The following OSBPL1A variants were observed in gnomAD, a reference collection of about 807,000 sequenced individuals.
OSBPL1A encodes oxysterol-binding protein-related protein 1.
OSBPL1A carries 80 observed loss-of-function variants against 137.1 expected under a neutral mutation model. The observed-to-expected ratio is 0.58, with a 90% confidence interval of 0.49 to 0.70. The LOEUF is 0.70. Ranked by LOEUF, OSBPL1A falls within the 30% of genes least tolerant of loss-of-function variation. The pLI is 0.00. For synonymous variants in OSBPL1A, 365 were observed against 389.7 expected, an observed-to-expected ratio of 0.94 and a Z score of 0.75; for missense variants, 970 against 1,129.4, an observed-to-expected ratio of 0.86 and a Z score of 2.02.
At chr18:24,303,809 A>T in intron 13 of OSBPL1A, 91 bp from the exon 14 acceptor site, 1 of 991,738 alleles carries the variant, frequency 1.0e-6, no homozygotes, top group African/African-American at 1.6e-5. Context: ...CTTTCAGTAC[A>T]TAGATTGATA....
rs112773789 is a variant in OSBPL1A at position 24,308,133 on chromosome 18, T to C, written c.1092+3851A>G. ...TGCTCATTACTTTTTTTTTTTTTTT[T>C]GAGACAGGGTCTCACTCTGTCGCCC... On this transcript the variant is annotated intron_variant, in intron 13 of 27. Transcript: ENST00000319481. 2.9e-5 allele frequency among the ~76,000 whole-genome samples: 4 copies of C among 135,678 alleles called. No individual in the cohort carries two copies. In the South Asian group the frequency reaches 9.5e-4, roughly 32 times the overall value. 89.0% of individuals were successfully genotyped at this position (135,678 alleles called of 152,430 possible). A position where few individuals can be genotyped will look rare whatever the true frequency, so the allele number is the denominator to read the frequency against.
chr18:24,204,631 A>G (rs2087318957), intron 17 of OSBPL1A, among the ~76,000 whole-genome samples: 1 of 150,860 alleles, frequency 6.6e-6, no homozygotes, highest in Middle Eastern at 3.4e-3. Flanking sequence ...TCTCAAGTCC[A>G]TAACTCTACA....
intron 5 of OSBPL1A, among the ~76,000 whole-genome samples, chr18:24,338,146 C>A (rs1211553183): frequency 6.6e-6 from 1 of 150,930 alleles, no homozygotes; most frequent in African/African-American, 2.4e-5. Flanking sequence ...AATCTCGGCT[C>A]ACTGCAACCT....
At chr18:24,296,401 T>TGGATGAGTCTTTA (rs2090293594) in intron 14 of OSBPL1A, among the ~76,000 whole-genome samples, 1 of 152,182 alleles carries the variant, frequency 6.6e-6, no homozygotes, top group Non-Finnish European at 1.5e-5. Context: ...AGGAGTCTTT[T>TGGATGAGTCTTTA]GGATGAGTCT....
intron 1 of OSBPL1A, among the ~76,000 whole-genome samples, chr18:24,381,210 G>T (rs532287695): frequency 6.6e-6 from 1 of 152,276 alleles, no homozygotes; most frequent in South Asian, 2.1e-4. Flanking sequence ...AAGGAGTAGG[G>T]TCAGGGTCAG....
chr18:24,172,508 A>C (rs2086313951), intron 21 of OSBPL1A, 25 bp from the exon 22 acceptor site: 3 of 1,505,922 alleles, frequency 2.0e-6, no homozygotes, highest in Non-Finnish European at 2.8e-6. Context: ...CAAACCCAGA[A>C]GCATAAGTGA....
intron 15 of OSBPL1A, among the ~76,000 whole-genome samples, chr18:24,274,939 G>C (rs530542864): frequency 6.6e-6 from 1 of 151,954 alleles, no homozygotes; most frequent in African/African-American, 2.4e-5. Flanking sequence ...AGGTGACTGA[G>C]GGGGAGCTGC....
chr18:24,225,909 A>G (rs1022824641), intron 16 of OSBPL1A, among the ~76,000 whole-genome samples: 1 of 152,096 alleles, frequency 6.6e-6, no homozygotes, highest in Non-Finnish European at 1.5e-5. Context: ...GAGTTGAGAG[A>G]CTGCAGTGAG....
intron 15 of OSBPL1A, among the ~76,000 whole-genome samples, chr18:24,241,324 G>A (rs1032092034): frequency 1.6e-4 from 25 of 152,106 alleles, no homozygotes; most frequent in African/African-American, 6.0e-4. Context: ...GAAACTTACC[G>A]TCAGAGTGAA....
intron 17 of OSBPL1A, among the ~76,000 whole-genome samples, chr18:24,221,967 T>A (rs1239060562): frequency 6.6e-6 from 1 of 152,202 alleles, no homozygotes; most frequent in East Asian, 1.9e-4. Context: ...CTTACTCTAA[T>A]AACTTCTACA....
At chr18:24,231,379 G>A (rs915141099) in intron 16 of OSBPL1A, among the ~76,000 whole-genome samples, 3 of 152,066 alleles carry the variant, frequency 2.0e-5, no homozygotes, top group East Asian at 1.9e-4. Flanking sequence ...TGCAACCTCC[G>A]CCTCCTGGAT....
At chr18:24,350,208 T>A (rs557795337) in intron 4 of OSBPL1A, among the ~76,000 whole-genome samples, 1 of 152,316 alleles carries the variant, frequency 6.6e-6, no homozygotes, top group Admixed American at 6.5e-5. Context: ...GGGAATCTTC[T>A]AGAAGGGGCA....
intron 15 of OSBPL1A, among the ~76,000 whole-genome samples, chr18:24,273,279 T>C (rs539698796): frequency 1.3e-5 from 2 of 152,216 alleles, no homozygotes; most frequent in Non-Finnish European, 2.9e-5. Flanking sequence ...TTACTGTACT[T>C]GGAAAAATCA....
chr18:24,382,566 C>A (rs1236528621), intron 1 of OSBPL1A, among the ~76,000 whole-genome samples: 1 of 151,774 alleles, frequency 6.6e-6, no homozygotes, highest in Non-Finnish European at 1.5e-5. Flanking sequence ...AACAGAGACT[C>A]CGTCTCAAAA....
chr18:24,187,104 A>G (rs752310075), intron 18 of OSBPL1A, among the ~76,000 whole-genome samples: 9 of 152,128 alleles, frequency 5.9e-5, no homozygotes, highest in Non-Finnish European at 8.8e-5. Flanking sequence ...CATTCAGATT[A>G]GTCCACTCCT....
rs183521055 is a variant in OSBPL1A, at chr18:24,313,717, A to G, written c.969+532T>C. Among the ~76,000 whole-genome samples, 319 of 152,358 alleles carry G rather than the reference A, an allele frequency of 2.1e-3. 1 individual carries two copies. Among genetic ancestry groups the G allele is most frequent in the Non-Finnish European group, 3.2e-3 (216 of 68,030 alleles). ...ATGCCCCTTACATTCAGAGAATTAA[A>G]ATTGAAAAACAAATTATGAACAGAA... On this transcript the variant is annotated intron_variant, in intron 12 of 27. Coordinates refer to ENST00000319481, the MANE Select transcript of OSBPL1A (RefSeq NM_080597.4).
chr18:24,363,646 A>G (rs189148936), intron 4 of OSBPL1A, among the ~76,000 whole-genome samples: 1 of 144,586 alleles, frequency 6.9e-6, no homozygotes, highest in Non-Finnish European at 1.5e-5. Flanking sequence ...CTTCCTTTCT[A>G]TCTTTCTTTC....
chr18:24,232,626 C>T (rs1182342129), intron 16 of OSBPL1A, among the ~76,000 whole-genome samples: 1 of 152,182 alleles, frequency 6.6e-6, no homozygotes, highest in African/African-American at 2.4e-5. Context: ...TGTTTCTCAA[C>T]ATTATTTTTA....
intron 4 of OSBPL1A, chr18:24,358,528 G>A (rs1208635249): frequency 2.8e-6 from 2 of 702,288 alleles, no homozygotes; most frequent in Non-Finnish European, 5.2e-6. Context: ...CAAATTATAT[G>A]TATATATTTC....
Sources: allele counts gnomAD v4.1 joint callset (sites outside exome capture counted in the v4.1 genomes callset), GRCh38; gene constraint gnomAD v4.1.1; transcripts MANE v1.5; gene names NCBI Gene and HGNC (gene_info 2026-07-23, HGNC 2026-07-21).